Variants in NAALADL2 observed in about 807,000 individuals in gnomAD.
NAALADL2 encodes inactive N-acetylated-alpha-linked acidic dipeptidase-like protein 2.
Under a neutral mutation model 87.2 loss-of-function variants are expected in NAALADL2, and 76 were observed. That is an observed-to-expected ratio of 0.87 (90% CI 0.72 to 1.05). The LOEUF (loss-of-function observed/expected upper bound fraction) is 1.05, where lower values mean the gene tolerates loss of function less well. NAALADL2 is among the 50% of genes least tolerant of loss of function. The pLI, the probability that NAALADL2 is intolerant of heterozygous loss-of-function variation, is 0.00. For missense variants in NAALADL2, 1,089 were observed against 945.8 expected (o/e 1.15, Z -1.99); for synonymous variants, 354 against 331.0 (o/e 1.07, Z -0.75).
intron 5 of NAALADL2, among the ~76,000 whole-genome samples, chr3:175,362,485 G>C (rs986920868): frequency 5.4e-5 from 8 of 147,732 alleles, no homozygotes; most frequent in South Asian, 2.2e-4. Flanking sequence ...GGTATTGATT[G>C]TTCCTATCCA....
chr3:175,068,288 A>C (rs1714924675), intron 1 of NAALADL2, among the ~76,000 whole-genome samples: 1 of 152,100 alleles, frequency 6.6e-6, no homozygotes, highest in African/African-American at 2.4e-5. Flanking sequence ...TAGTTTTTAC[A>C]CTTCTTACTC....
intron 2 of NAALADL2, among the ~76,000 whole-genome samples, chr3:175,192,312 A>G (rs1418705363): frequency 6.6e-6 from 1 of 152,112 alleles, no homozygotes; most frequent in Non-Finnish European, 1.5e-5. Flanking sequence ...TCAGAAAAAT[A>G]AACTTGCTGT....
intron 2 of NAALADL2, among the ~76,000 whole-genome samples, chr3:174,606,046 A>G (rs1357745854): frequency 1.3e-5 from 2 of 152,206 alleles, no homozygotes; most frequent in Non-Finnish European, 2.9e-5. Flanking sequence ...CGCTGCTGAT[A>G]CCCAGGCAAA....
chr3:174,725,262 A>G lies in NAALADL2; in HGVS notation c.-114-12379A>G, dbSNP rs552550967. Among the ~76,000 whole-genome samples the G allele has an allele frequency of 5.9e-5, 9 of 152,342 alleles. No individual in the cohort carries two copies. In the South Asian group the frequency reaches 1.9e-3, roughly 32 times the overall value. ...CTTTGGCTTGGCAAAACTATAACAT[A>G]ACCTAATTCATTAGATGTTAGCCTT... On this transcript the variant is annotated intron_variant, in intron 2 of 3. Transcript: ENST00000434257.
At chr3:175,277,662 A>T (rs1014122331) in intron 4 of NAALADL2, among the ~76,000 whole-genome samples, 1 of 152,180 alleles carries the variant, frequency 6.6e-6, no homozygotes, top group East Asian at 1.9e-4. Context: ...TCATCAGTAG[A>T]CCATTTGGTC....
At chr3:175,386,442 C>G (rs1201951152) in intron 5 of NAALADL2, among the ~76,000 whole-genome samples, 1 of 151,622 alleles carries the variant, frequency 6.6e-6, no homozygotes, top group Non-Finnish European at 1.5e-5. Context: ...AAATTTTTGA[C>G]AAGAATATTT....
At chr3:174,749,095 T>C (rs1734568216) in intron 3 of NAALADL2, among the ~76,000 whole-genome samples, 1 of 152,172 alleles carries the variant, frequency 6.6e-6, no homozygotes, top group Admixed American at 6.5e-5. Context: ...TCTCCCTATA[T>C]GCTTTCACAT....
chr3:175,507,231 G>C (rs1220287385), intron 9 of NAALADL2, among the ~76,000 whole-genome samples: 1 of 151,980 alleles, frequency 6.6e-6, no homozygotes, highest in African/African-American at 2.4e-5. Context: ...TTTACTAACA[G>C]TGCCTGTTTC....
intron 11 of NAALADL2, among the ~76,000 whole-genome samples, chr3:175,664,880 C>T (rs919700145): frequency 2.0e-5 from 3 of 151,962 alleles, no homozygotes; most frequent in Non-Finnish European, 4.4e-5. Context: ...TTTACCTTAT[C>T]ATATTTCCAG....
chr3:175,495,542 A>G (rs79126512), intron 9 of NAALADL2, among the ~76,000 whole-genome samples: 4,861 of 152,086 alleles, frequency 0.032, 279 homozygotes, highest in African/African-American at 0.11. Context: ...TCTTTTCTGA[A>G]TCATGTTTCA....
intron 2 of NAALADL2, among the ~76,000 whole-genome samples, chr3:175,214,653 T>A (rs759855093): frequency 2.0e-5 from 3 of 152,218 alleles, no homozygotes; most frequent in Admixed American, 2.0e-4. Context: ...CATATTATTG[T>A]GCTGTTAGAA....
chr3:174,800,403 T>C (rs1246069773), intron 3 of NAALADL2, among the ~76,000 whole-genome samples: 2 of 152,182 alleles, frequency 1.3e-5, no homozygotes, highest in Non-Finnish European at 2.9e-5. Flanking sequence ...CTTGGCAGCT[T>C]CCATGTGGTG....
intron 3 of NAALADL2, among the ~76,000 whole-genome samples, chr3:174,853,179 C>A (rs1277553847): frequency 2.7e-4 from 28 of 105,134 alleles, no homozygotes; most frequent in African/African-American, 1.0e-3. Flanking sequence ...TCCTGGCCAA[C>A]ATGGTGAAAC....
rs1456673327 is a variant in NAALADL2, at chr3:174,808,651, C to A, written c.-9+70905C>A. Among the ~76,000 whole-genome samples the A allele has an allele frequency of 2.0e-5, 3 of 152,162 alleles. No homozygotes were observed. The South Asian group carries it at 6.2e-4, about 32-fold the overall frequency. ...TAATTTTAATACCTTTATCATTATA[C>A]ATTTTTACTTGGTGGATTATTTTCC... is the stretch of plus-strand genomic sequence containing the variant. On this transcript the variant is annotated intron_variant, in intron 3 of 3. Coordinates refer to the NAALADL2 transcript ENST00000434257.
chr3:175,270,557 C>T (rs1011433664), intron 4 of NAALADL2, among the ~76,000 whole-genome samples: 20 of 152,136 alleles, frequency 1.3e-4, no homozygotes, highest in African/African-American at 4.3e-4. Flanking sequence ...AATTGTATAT[C>T]GGAGCTCATT....
At chr3:175,515,529 A>G (rs1271659250) in intron 9 of NAALADL2, among the ~76,000 whole-genome samples, 1 of 152,108 alleles carries the variant, frequency 6.6e-6, no homozygotes, top group Non-Finnish European at 1.5e-5. Flanking sequence ...TTAGTTGCAA[A>G]CAACAAAAGA....
intron 11 of NAALADL2, among the ~76,000 whole-genome samples, chr3:175,715,791 C>A (rs1741159990): frequency 6.6e-6 from 1 of 152,110 alleles, no homozygotes; most frequent in South Asian, 2.1e-4. Context: ...ACAAGAATCA[C>A]TTGAACCTGG....
intron 2 of NAALADL2, among the ~76,000 whole-genome samples, chr3:174,645,714 T>C (rs1316772612): frequency 6.6e-6 from 1 of 152,218 alleles, no homozygotes; most frequent in Non-Finnish European, 1.5e-5. Context: ...AAGTTAAATA[T>C]GTGTATTTTC....
chr3:174,834,760 T>G (rs1217657379), intron 3 of NAALADL2, among the ~76,000 whole-genome samples: 2 of 151,772 alleles, frequency 1.3e-5, no homozygotes, highest in Non-Finnish European at 2.9e-5. Flanking sequence ...TCATAGAAAT[T>G]TATAAAATGT....
Sources: gnomAD v4.1 joint callset for allele counts (sites outside exome capture counted in the v4.1 genomes callset) on GRCh38, gnomAD v4.1.1 for gene constraint, MANE v1.5 for transcripts, NCBI Gene and HGNC (gene_info 2026-07-23, HGNC 2026-07-21) for gene names.